Variants in MAGI2 observed in about 807,000 individuals in gnomAD.
MAGI2 encodes membrane associated guanylate kinase, WW and PDZ domain containing 2, also known as membrane-associated guanylate kinase, WW and PDZ domain-containing protein 2.
A neutral mutation model predicts 133.3 loss-of-function variants in MAGI2; 35 were observed. The ratio of observed to expected loss-of-function variants is 0.26; its 90% CI spans 0.20 to 0.35. MAGI2 has a LOEUF of 0.35. MAGI2 is among the 10% of genes least tolerant of loss of function. The pLI, the probability that MAGI2 is intolerant of heterozygous loss-of-function variation, is 1.00. For synonymous variants in MAGI2, 729 were observed against 710.6 expected (o/e 1.03, Z -0.41); for missense variants, 1,636 against 1,863.4 (o/e 0.88, Z 2.25).
intron 9 of MAGI2, among the ~76,000 whole-genome samples, chr7:78,330,474 G>A (rs1436869423): frequency 1.1e-5 from 1 of 90,882 alleles, no homozygotes; most frequent in East Asian, 2.3e-4. Context: ...AAAATTAGCC[G>A]GGCGAGGTGG....
intron 9 of MAGI2, among the ~76,000 whole-genome samples, 162 bp downstream of exon 9, chr7:78,343,616 T>C (rs943075451): frequency 6.6e-6 from 1 of 152,194 alleles, no homozygotes; most frequent in Non-Finnish European, 1.5e-5. Flanking sequence ...TTAATTCAAC[T>C]TGATATTTTT....
chr7:78,704,534 A>G (rs545483988), intron 2 of MAGI2, among the ~76,000 whole-genome samples: 2 of 152,236 alleles, frequency 1.3e-5, no homozygotes, highest in Non-Finnish European at 2.9e-5. Context: ...TTAAAATGGA[A>G]CTGCCATTCC....
At chr7:78,263,669 C>A (rs79483310) in intron 9 of MAGI2, among the ~76,000 whole-genome samples, 1 of 152,066 alleles carries the variant, frequency 6.6e-6, no homozygotes, top group East Asian at 1.9e-4. Flanking sequence ...CCATATCCAG[C>A]GGCTGCAAAG....
At chr7:78,633,743 G>C (rs546326104) in intron 2 of MAGI2, among the ~76,000 whole-genome samples, 3 of 151,674 alleles carry the variant, frequency 2.0e-5, no homozygotes, top group Admixed American at 1.3e-4. Context: ...GAATGCTGTG[G>C]TGTGATAAAA....
chr7:79,106,530 A>C (rs1355118960), intron 1 of MAGI2, among the ~76,000 whole-genome samples: 1 of 152,198 alleles, frequency 6.6e-6, no homozygotes, highest in Non-Finnish European at 1.5e-5. Flanking sequence ...ATCACAACGA[A>C]ATCACTCAAA....
rs75666675 is a variant in MAGI2, at chr7:78,405,772, T to C, written c.1046-36559A>G. Among the ~76,000 whole-genome samples the C allele has an allele frequency of 4.9e-4, 74 of 152,168 alleles. No homozygotes were observed. In the East Asian group the frequency reaches 0.013, roughly 27 times the overall value. ...CATTTAAAAAATTCTTAATTGTGAA[T>C]AAACCTTACACATGGACTTTTTTGC... On this transcript the variant is annotated intron_variant, in intron 6 of 21. Transcript: ENST00000354212.
At chr7:78,708,852 C>G (rs921723827) in intron 2 of MAGI2, among the ~76,000 whole-genome samples, 8 of 95,112 alleles carry the variant, frequency 8.4e-5, no homozygotes, top group African/African-American at 3.3e-4. Context: ...CACTTTGACT[C>G]TAATACTCAT....
At chr7:79,170,972 G>C (rs1054202269) in intron 1 of MAGI2, among the ~76,000 whole-genome samples, 1 of 152,074 alleles carries the variant, frequency 6.6e-6, no homozygotes, top group Non-Finnish European at 1.5e-5. Flanking sequence ...TTATTGGGCA[G>C]TCATTCACAA....
intron 3 of MAGI2, among the ~76,000 whole-genome samples, chr7:78,558,429 A>C (rs1800047977): frequency 6.6e-6 from 1 of 152,188 alleles, no homozygotes; most frequent in South Asian, 2.1e-4. Flanking sequence ...CTTTCCTAAA[A>C]AAGTAATAAT....
chr7:78,834,567 A>G (rs1223840819), intron 2 of MAGI2, among the ~76,000 whole-genome samples: 1 of 152,082 alleles, frequency 6.6e-6, no homozygotes, highest in African/African-American at 2.4e-5. Context: ...AATATACCAT[A>G]TTGTATTTAT....
intron 2 of MAGI2, among the ~76,000 whole-genome samples, chr7:78,897,449 G>A (rs1264570607): frequency 2.6e-5 from 4 of 152,058 alleles, no homozygotes; most frequent in African/African-American, 9.7e-5. Flanking sequence ...AGCTGAAAAT[G>A]GCTTTCAAGA....
intron 9 of MAGI2, among the ~76,000 whole-genome samples, chr7:78,266,938 T>C (rs769695584): frequency 6.6e-6 from 1 of 152,090 alleles, no homozygotes; most frequent in Non-Finnish European, 1.5e-5. Context: ...TGAATTGCTT[T>C]TGAAAAAAGG....
intron 4 of MAGI2, among the ~76,000 whole-genome samples, chr7:78,507,160 G>T (rs1235663952): frequency 6.6e-6 from 1 of 151,998 alleles, no homozygotes; most frequent in African/African-American, 2.4e-5. Context: ...AGCTGAGAGG[G>T]AAGCAATAAG....
intron 2 of MAGI2, among the ~76,000 whole-genome samples, chr7:78,949,041 T>G (rs1801662378): frequency 6.6e-6 from 1 of 152,202 alleles, no homozygotes; most frequent in African/African-American, 2.4e-5. Context: ...ATTTTAAAAT[T>G]ATAGTGGCCA....
intron 3 of MAGI2, among the ~76,000 whole-genome samples, chr7:78,548,399 G>T (rs1799049897): frequency 6.6e-6 from 1 of 152,126 alleles, no homozygotes. Flanking sequence ...TGTATTTTAA[G>T]ATTGCTTTCA....
chr7:78,664,214 T>C (rs545516403), intron 2 of MAGI2, among the ~76,000 whole-genome samples: 1 of 152,250 alleles, frequency 6.6e-6, no homozygotes, highest in South Asian at 2.1e-4. Context: ...CCCATGTTGA[T>C]ATATGTATAT....
intron 2 of MAGI2, among the ~76,000 whole-genome samples, chr7:78,762,301 G>C (rs112814008): frequency 1.1e-4 from 16 of 152,058 alleles, no homozygotes; most frequent in African/African-American, 3.9e-4. Context: ...AAATTAGCCG[G>C]GCGTGGTGGT....
Position 78,089,618 on chromosome 7 carries a change from G to A in MAGI2, c.3568-10533C>T, listed in dbSNP as rs1226766467. Among the ~76,000 whole-genome samples the A allele has an allele frequency of 2.0e-5, 3 of 152,140 alleles. No individual in the cohort carries two copies. In the East Asian group the frequency reaches 5.8e-4, roughly 29 times the overall value. On this transcript the variant is annotated intron_variant, in intron 20 of 21. Coordinates refer to ENST00000354212, the MANE Select transcript of MAGI2 (RefSeq NM_012301.4). ...CCTCTATACCATTATAGAAAGAGGA[G>A]TGGCGTCAGGGTTACTGAGTTGAAT...
At chr7:78,608,047 G>A (rs1419764052) in intron 3 of MAGI2, among the ~76,000 whole-genome samples, 1 of 152,198 alleles carries the variant, frequency 6.6e-6, no homozygotes, top group Non-Finnish European at 1.5e-5. Context: ...GGCTGAGAGA[G>A]CAAATTAATT....
Sources: gnomAD v4.1 joint callset for allele counts (sites outside exome capture counted in the v4.1 genomes callset) on GRCh38, gnomAD v4.1.1 for gene constraint, MANE v1.5 for transcripts, NCBI Gene and HGNC (gene_info 2026-07-23, HGNC 2026-07-21) for gene names.